Variants in RELCH observed in about 807,000 individuals in gnomAD.
The protein encoded by RELCH is RAB11-binding protein RELCH.
A neutral mutation model predicts 150.3 loss-of-function variants in RELCH; 41 were observed. That is an observed-to-expected ratio of 0.27 (90% confidence interval 0.21 to 0.35). RELCH has a LOEUF of 0.35. Among genes scored for constraint, RELCH ranks in the 10% least tolerant of loss-of-function variants. The probability of loss-of-function intolerance (pLI) is 1.00; values close to 1 mark genes in which losing one functional copy is unlikely to be tolerated. For synonymous variants in RELCH, 478 were observed against 531.8 expected, an observed-to-expected ratio of 0.90 and a Z score of 1.39; for missense variants, 1,092 against 1,467.8, an observed-to-expected ratio of 0.74 and a Z score of 4.18.
intron 20 of RELCH, among the ~76,000 whole-genome samples, chr18:62,273,586 TAC>T (rs1342798278): frequency 6.6e-6 from 1 of 152,194 alleles, no homozygotes; most frequent in Admixed American, 6.5e-5. Flanking sequence ...TCCAAACTTT[TAC>T]AGTGACGGAA....
rs984047265 is a variant in RELCH at position 62,264,899 on chromosome 18, A to G, written c.2631+47A>G. ...TTTCTTATATGAAAAAGACATAGAA[A>G]TGTAATGTGTTAACACTGTAACAGG... On this transcript the variant is annotated intron_variant, in intron 18 of 28. Coordinates refer to ENST00000644646, the MANE Select transcript of RELCH (RefSeq NM_001346231.2). 5 of 1,475,252 alleles carry G rather than the reference A, an allele frequency of 3.4e-6. No homozygotes were observed. The African/African-American group carries it at 4.2e-5, about 12-fold the overall frequency. 91.4% of individuals were successfully genotyped at this position (1,475,252 alleles called of 1,614,324 possible).
At chr18:62,244,923 G>A in intron 11 of RELCH, 47 bp downstream of exon 11, 1 of 1,227,156 alleles carries the variant, frequency 8.1e-7, no homozygotes, top group Non-Finnish European at 1.2e-6. Context: ...GTGACTTACT[G>A]ATTTTAACTA....
chr18:62,264,587 T>C, intron 17 of RELCH, 142 bp from the exon 18 acceptor site: 1 of 632,762 alleles, frequency 1.6e-6, no homozygotes, highest in Non-Finnish European at 2.7e-6. Context: ...TCTTACAACC[T>C]ATTCAGAGGG....
chr18:62,266,841 A>T, intron 19 of RELCH, 92 bp downstream of exon 19: 1 of 726,630 alleles, frequency 1.4e-6, no homozygotes, highest in Non-Finnish European at 2.3e-6. Flanking sequence ...TGTATAAATG[A>T]ACTAGCAACT....
chr18:62,269,014 C>A, intron 20 of RELCH, 66 bp downstream of exon 20: 1 of 721,532 alleles, frequency 1.4e-6, no homozygotes, highest in Non-Finnish European at 2.3e-6. Flanking sequence ...AGTATTGTGT[C>A]TTCTTAATGT....
chr18:62,280,531 G>C, intron 23 of RELCH, 115 bp from the exon 24 acceptor site: 1 of 1,345,126 alleles, frequency 7.4e-7, no homozygotes. Flanking sequence ...TATTTAATTT[G>C]TCATTGCTAG....
intron 10 of RELCH, among the ~76,000 whole-genome samples, chr18:62,236,426 G>A (rs923653891): frequency 1.1e-4 from 16 of 151,868 alleles, no homozygotes; most frequent in Admixed American, 5.9e-4. Context: ...TTCTTATCTT[G>A]TGTTTTGGTA....
intron 11 of RELCH, chr18:62,245,963 C>A (rs955737286): frequency 1.3e-5 from 2 of 152,108 alleles, no homozygotes; most frequent in Non-Finnish European, 2.9e-5. Flanking sequence ...GCAACAAGTT[C>A]CAGATAGGTA....
Position 62,268,858 on chromosome 18 carries a change from A to C in RELCH, c.2681-11A>C. 7.3e-7 allele frequency: 1 copy of C among 1,372,316 alleles called. No homozygotes were observed. The highest frequency in any genetic ancestry group is 1.5e-5 in the African/African-American group (1 of 67,048). The allele number at this position is 1,372,316 out of a possible 1,614,324, so 85.0% of individuals were successfully genotyped here. A position where few individuals can be genotyped will look rare whatever the true frequency, so the allele number is the denominator to read the frequency against. ...TACTTATGTTTTTTTAAATTATTTT[A>C]ATAATTTTAGATTCCTCAGCAGGAA... On this transcript the variant is annotated splice_polypyrimidine_tract_variant and intron_variant, in intron 19 of 28. Coordinates refer to ENST00000644646, the MANE Select transcript of RELCH (RefSeq NM_001346231.2).
In RELCH at chr18:62,308,189, G is replaced by A. The variant is rs2045928840; in HGVS notation, c.*2655G>A. On this transcript the variant is annotated 3_prime_UTR_variant, in exon 29 of 29. Transcript: ENST00000644646. ...AAATTTAGAGAGGTGAGATCAGGAT[G>A]TATTGAATTGTCTTTTCATCATCCC... 1 of 152,170 alleles carries A rather than the reference G, an allele frequency of 6.6e-6. No homozygotes were observed. Among genetic ancestry groups the A allele is most frequent in the East Asian group, 1.9e-4 (1 of 5,196 alleles). The allele number at this position is 152,170 out of a possible 1,614,324, so 9.4% of individuals were successfully genotyped here. A position where few individuals can be genotyped will look rare whatever the true frequency, so the allele number is the denominator to read the frequency against.
At position 62,280,067 on chromosome 18, in the gene RELCH, G is replaced by A. The variant is rs553880085; in HGVS notation, c.3050+211G>A. 9.2e-5 allele frequency among the ~76,000 whole-genome samples: 14 copies of A among 152,140 alleles called. No individual in the cohort carries two copies. The East Asian group carries it at 1.5e-3, about 17-fold the overall frequency. The stretch of plus-strand genomic sequence containing the variant: ...ACCATAAGTGTAATTTGGAGGCCAC[G>A]TATTGAAAAAATATATTAGTAACAT... On this transcript the variant is annotated intron_variant, in intron 23 of 28. Transcript: ENST00000644646.
At chr18:62,296,011 G>A (rs112104063) in intron 27 of RELCH, among the ~76,000 whole-genome samples, 1 of 152,076 alleles carries the variant, frequency 6.6e-6, no homozygotes, top group African/African-American at 2.4e-5. Context: ...TAATTGGGGG[G>A]CAGGGGGAAT....
At position 62,227,455 on chromosome 18, in the gene RELCH, A is replaced by T; in HGVS notation, c.1025A>T (p.Asn342Ile). 2.5e-6 allele frequency: 4 copies of T among 1,613,286 alleles called. No individual in the cohort carries two copies. Among genetic ancestry groups the T allele is most frequent in the Non-Finnish European group, 3.4e-6 (4 of 1,179,594 alleles). ...GAGGCCCTTACACCAATTATAAGCA[A>T]CCTTCCTCCAACTCTTGAAACTCCC... is the stretch of plus-strand genomic sequence containing the variant. ...ELEALTPIIS[N>I]LPPTLETPQP... The change falls in exon 6 of 29, where the codon AAC becomes ATC. Residue 342 changes from asparagine (N) to isoleucine (I), a missense_variant. Coordinates refer to ENST00000644646, the MANE Select transcript of RELCH (RefSeq NM_001346231.2).
chr18:62,262,019 A>G (rs1048458384), intron 16 of RELCH, among the ~76,000 whole-genome samples: 3 of 151,922 alleles, frequency 2.0e-5, no homozygotes, highest in East Asian at 3.9e-4. Context: ...GAAGCTTGTC[A>G]TTTCTGCTTT....
chr18:62,214,743 C>T (rs1484832755), intron 2 of RELCH, among the ~76,000 whole-genome samples: 1 of 152,168 alleles, frequency 6.6e-6, no homozygotes, highest in African/African-American at 2.4e-5. Flanking sequence ...TCTGGAGCTG[C>T]ACCACAAGCC....
In RELCH at chr18:62,187,809, T is replaced by C; in HGVS notation, c.304T>C (p.Leu102=). The C allele has an allele frequency of 1.3e-6, 2 of 1,596,964 alleles. No individual in the cohort carries two copies. Among genetic ancestry groups the C allele is most frequent in the Non-Finnish European group, 1.7e-6 (2 of 1,171,624 alleles). ...AATTGATGCGATCGCTGCTCAGCTG[T>C]TGCGCGATCAATACTTGCTGACCGC... ...LSIDAIAAQL[L]RDQYLLTALE... Residue 102 remains leucine, a synonymous_variant, in exon 1 of 29, where the codon TTG becomes CTG. Coordinates refer to ENST00000644646, the MANE Select transcript of RELCH (RefSeq NM_001346231.2).
At chr18:62,267,760 T>G (rs918911272) in intron 19 of RELCH, among the ~76,000 whole-genome samples, 57 of 151,966 alleles carry the variant, frequency 3.8e-4, no homozygotes, top group African/African-American at 1.3e-3. Flanking sequence ...TGTTTATTAT[T>G]AATTCTTGTG....
At chr18:62,218,085 C>G (rs1015521527) in intron 2 of RELCH, among the ~76,000 whole-genome samples, 13 of 151,836 alleles carry the variant, frequency 8.6e-5, no homozygotes, top group Admixed American at 8.5e-4. Context: ...GGTTTTTATT[C>G]TAACTCATAT....
Position 62,308,388 on chromosome 18 carries a change from A to C in RELCH, c.*2854A>C, listed in dbSNP as rs2045933203. On this transcript the variant is annotated 3_prime_UTR_variant, in exon 29 of 29. Coordinates refer to ENST00000644646, the MANE Select transcript of RELCH (RefSeq NM_001346231.2). Reference sequence around the variant, plus strand: ...AAGATTGTACTAATTTTTTCAGTTCATTAAAGAAAGTTACACTTTAGCTCT... The same window carrying C: ...AAGATTGTACTAATTTTTTCAGTTCCTTAAAGAAAGTTACACTTTAGCTCT... 2 of 152,184 alleles carry C rather than the reference A, an allele frequency of 1.3e-5. No homozygotes were observed. Among genetic ancestry groups the C allele is most frequent in the South Asian group, 4.1e-4 (2 of 4,832 alleles). 9.4% of individuals were successfully genotyped at this position (152,184 alleles called of 1,614,324 possible).
Sources: gnomAD v4.1 joint callset for allele counts (sites outside exome capture counted in the v4.1 genomes callset) on GRCh38, gnomAD v4.1.1 for gene constraint, MANE v1.5 for transcripts, NCBI Gene and HGNC (gene_info 2026-07-23, HGNC 2026-07-21) for gene names.